The following NDFIP2 variants were observed in gnomAD, a reference collection of about 807,000 sequenced individuals.
The protein encoded by NDFIP2 is Nedd4 family interacting protein 2, also known as NEDD4 family-interacting protein 2.
Under a neutral mutation model 36.0 loss-of-function variants are expected in NDFIP2, and 19 were observed. The ratio of observed to expected loss-of-function variants is 0.53; its 90% CI spans 0.37 to 0.77. The LOEUF (loss-of-function observed/expected upper bound fraction) is 0.77, where lower values mean the gene tolerates loss of function less well. Ranked by LOEUF, NDFIP2 falls within the 30% of genes least tolerant of loss-of-function variation. The pLI, the probability that NDFIP2 is intolerant of heterozygous loss-of-function variation, is 0.00. For missense variants in NDFIP2, 446 were observed against 435.8 expected, an observed-to-expected ratio of 1.02 and a Z score of -0.21; for synonymous variants, 181 against 167.7, an observed-to-expected ratio of 1.08 and a Z score of -0.61.
chr13:79,486,572 G>A (rs74897458), intron 1 of NDFIP2, among the ~76,000 whole-genome samples: 6,187 of 152,234 alleles, frequency 0.041, 403 homozygotes, highest in African/African-American at 0.14. Context: ...AATCTTACAT[G>A]GCCTAGTGGA....
At chr13:79,522,917 T>C (rs1874641238) in intron 2 of NDFIP2, among the ~76,000 whole-genome samples, 1 of 152,252 alleles carries the variant, frequency 6.6e-6, no homozygotes, top group Non-Finnish European at 1.5e-5. Flanking sequence ...AATTCATCTC[T>C]ACTTCTTGAT....
At chr13:79,544,738 A>G (rs1290599654) in intron 5 of NDFIP2, among the ~76,000 whole-genome samples, 2 of 152,218 alleles carry the variant, frequency 1.3e-5, no homozygotes, top group South Asian at 2.1e-4. Context: ...TTAATAATAT[A>G]TATTATGAAG....
At chr13:79,503,645 T>C (rs891889334) in intron 1 of NDFIP2, among the ~76,000 whole-genome samples, 1 of 152,176 alleles carries the variant, frequency 6.6e-6, no homozygotes, top group South Asian at 2.1e-4. Flanking sequence ...GAACTGAGGT[T>C]TACTGGACCA....
At chr13:79,533,121 A>G (rs1003805833) in intron 2 of NDFIP2, among the ~76,000 whole-genome samples, 1 of 152,170 alleles carries the variant, frequency 6.6e-6, no homozygotes, top group Non-Finnish European at 1.5e-5. Flanking sequence ...GTATTTATCC[A>G]TTCTTTCTCT....
intron 1 of NDFIP2, among the ~76,000 whole-genome samples, chr13:79,484,751 CCTGA>C (rs1203570842): frequency 1.3e-5 from 2 of 152,108 alleles, no homozygotes; most frequent in East Asian, 3.9e-4. Flanking sequence ...TTGAAGGAGG[CCTGA>C]CTATTAACGG....
In NDFIP2 at chr13:79,554,951, TTTCTA is replaced by T. The variant is rs1415463647; in HGVS notation, c.*2440_*2444del. ...TGAATTTTAAGGCAAAAACAACACTTTTCTATATAGTGTATGCAGGACAGATTTTA... is the reference window on the plus strand; with the variant it reads ...TGAATTTTAAGGCAAAAACAACACTTTATAGTGTATGCAGGACAGATTTTA... On this transcript the variant is annotated 3_prime_UTR_variant, in exon 8 of 8. Transcript: ENST00000218652. The T allele has an allele frequency of 1.3e-5, 2 of 151,884 alleles. No homozygotes were observed. The highest frequency in any genetic ancestry group is 4.8e-5 in the African/African-American group (2 of 41,406). The allele number at this position is 151,884 out of a possible 1,614,324, so 9.4% of individuals were successfully genotyped here.
At chr13:79,501,467 TAAG>T (rs915900097) in intron 1 of NDFIP2, among the ~76,000 whole-genome samples, 2 of 152,052 alleles carry the variant, frequency 1.3e-5, no homozygotes, top group Admixed American at 6.6e-5. Flanking sequence ...TCTAAATCTC[TAAG>T]AAGTGAAGTC....
At chr13:79,507,231 T>C (rs1486852677) in intron 1 of NDFIP2, among the ~76,000 whole-genome samples, 1 of 149,922 alleles carries the variant, frequency 6.7e-6, no homozygotes. Context: ...ATCTTTTCCA[T>C]GGATTTTCTG....
intron 1 of NDFIP2, among the ~76,000 whole-genome samples, chr13:79,486,250 C>A (rs1033684606): frequency 3.3e-5 from 5 of 152,118 alleles, no homozygotes; most frequent in Non-Finnish European, 4.4e-5. Context: ...TGCTCAAAAA[C>A]CTTCAGTGGC....
rs1413949620 is a variant in NDFIP2 at position 79,554,767 on chromosome 13, A to G, written c.*2254A>G. The G allele has an allele frequency of 6.6e-6, 1 of 151,978 alleles. No individual in the cohort carries two copies. The highest frequency in any genetic ancestry group is 1.9e-4 in the East Asian group (1 of 5,194). The allele number at this position is 151,978 out of a possible 1,614,324, so 9.4% of individuals were successfully genotyped here. A position where few individuals can be genotyped will look rare whatever the true frequency, so the allele number is the denominator to read the frequency against. The stretch of plus-strand genomic sequence containing the variant: ...TGATCATCTTTGCACTCTGCCTTAA[A>G]GATTGAAAAATCAAAACTCTTGTTA... On this transcript the variant is annotated 3_prime_UTR_variant, in exon 8 of 8. Transcript: ENST00000218652.
intron 1 of NDFIP2, among the ~76,000 whole-genome samples, chr13:79,505,379 C>T (rs113551179): frequency 1.4e-4 from 22 of 152,004 alleles, no homozygotes; most frequent in African/African-American, 5.3e-4. Context: ...GTTGTAATCC[C>T]AGCGCCTTGG....
Position 79,533,430 on chromosome 13 carries a change from G to C in NDFIP2, c.595G>C (p.Ala199Pro). 10 of 1,603,426 alleles carry C rather than the reference G, an allele frequency of 6.2e-6. No individual in the cohort carries two copies. Among genetic ancestry groups the C allele is most frequent in the Non-Finnish European group, 8.5e-6 (10 of 1,176,464 alleles). ...GAAGGCTAAAGCTGCTGCAATGGCAGCTGCAGCAGCAGAAACATCTCAAAG... is the reference window on the plus strand; with the variant it reads ...GAAGGCTAAAGCTGCTGCAATGGCACCTGCAGCAGCAGAAACATCTCAAAG... ...AEKAKAAAMA[A>P]AAAETSQRIQ... Residue 199 changes from alanine (A) to proline (P), a missense_variant, in exon 3 of 8, where the codon GCT (alanine) becomes CCT (proline). By Grantham distance (27) the Ala-to-Pro change is conservative. Transcript: ENST00000218652.
Position 79,553,162 on chromosome 13 carries a change from A to G in NDFIP2, c.*649A>G, listed in dbSNP as rs1390737847. Reference sequence around the variant, plus strand: ...TCCAGATAGCTTTCACTAATTTTAAATTAAGTGAACTAAATATATATGTGT... The same window carrying G: ...TCCAGATAGCTTTCACTAATTTTAAGTTAAGTGAACTAAATATATATGTGT... On this transcript the variant is annotated 3_prime_UTR_variant, in exon 8 of 8. Coordinates refer to ENST00000218652, the MANE Select transcript of NDFIP2 (RefSeq NM_019080.3). The G allele has an allele frequency of 6.6e-6, 1 of 151,550 alleles. No homozygotes were observed. The highest frequency in any genetic ancestry group is 2.4e-5 in the African/African-American group (1 of 41,376). The allele number at this position is 151,550 out of a possible 1,614,324, so 9.4% of individuals were successfully genotyped here.
chr13:79,554,315 A>G lies in NDFIP2; in HGVS notation c.*1802A>G, dbSNP rs975105782. The G allele has an allele frequency of 6.6e-6, 1 of 151,812 alleles. No individual in the cohort carries two copies. The highest frequency in any genetic ancestry group is 1.5e-5 in the Non-Finnish European group (1 of 67,738). 9.4% of individuals were successfully genotyped at this position (151,812 alleles called of 1,614,324 possible). A position where few individuals can be genotyped will look rare whatever the true frequency, so the allele number is the denominator to read the frequency against. Reference sequence around the variant, plus strand: ...TTCAAACTCATGCTGGATCTCTTTCATATTAATTTCTTATAGACCTGTACT... The same window carrying G: ...TTCAAACTCATGCTGGATCTCTTTCGTATTAATTTCTTATAGACCTGTACT... On this transcript the variant is annotated 3_prime_UTR_variant, in exon 8 of 8. Coordinates refer to ENST00000218652, the MANE Select transcript of NDFIP2 (RefSeq NM_019080.3).
chr13:79,503,091 G>T (rs1410087955), intron 1 of NDFIP2, among the ~76,000 whole-genome samples: 1 of 152,114 alleles, frequency 6.6e-6, no homozygotes, highest in Non-Finnish European at 1.5e-5. Flanking sequence ...TAAGTTTAGA[G>T]CTGCAGAGGA....
intron 1 of NDFIP2, among the ~76,000 whole-genome samples, chr13:79,491,074 A>G (rs908926276): frequency 6.6e-6 from 1 of 152,116 alleles, no homozygotes; most frequent in African/African-American, 2.4e-5. Flanking sequence ...AGTACTTATC[A>G]TCTTCTGGTA....
At chr13:79,523,808 G>A (rs1874685717) in intron 2 of NDFIP2, among the ~76,000 whole-genome samples, 1 of 152,138 alleles carries the variant, frequency 6.6e-6, no homozygotes, top group Non-Finnish European at 1.5e-5. Flanking sequence ...GTCAGAAGGG[G>A]GATTGTCTAC....
chr13:79,497,795 G>GGGGTGTGT (rs1555356393), intron 1 of NDFIP2, among the ~76,000 whole-genome samples: 1 of 128,912 alleles, frequency 7.8e-6, no homozygotes, highest in Non-Finnish European at 1.7e-5. Flanking sequence ...ATCTGTGGGG[G>GGGGTGTGT]GTGTGTGTGT....
chr13:79,531,697 TCA>T (rs1185521607), intron 2 of NDFIP2, among the ~76,000 whole-genome samples: 3 of 152,232 alleles, frequency 2.0e-5, no homozygotes, highest in Non-Finnish European at 2.9e-5. Context: ...CTCACTTCTC[TCA>T]GTCTTCATAG....
Sources: gnomAD v4.1 joint callset for allele counts (sites outside exome capture counted in the v4.1 genomes callset) on GRCh38, gnomAD v4.1.1 for gene constraint, MANE v1.5 for transcripts, NCBI Gene and HGNC (gene_info 2026-07-23, HGNC 2026-07-21) for gene names.